The following TSHR variants were observed in gnomAD, a reference collection of about 807,000 sequenced individuals.
The protein encoded by TSHR is thyroid stimulating hormone receptor.
Under a neutral mutation model 64.1 loss-of-function variants are expected in TSHR, and 51 were observed. The ratio of observed to expected loss-of-function variants is 0.80; its 90% confidence interval spans 0.64 to 1.01. The LOEUF (loss-of-function observed/expected upper bound fraction) is 1.01. Ranked by LOEUF, TSHR falls within the 50% of genes least tolerant of loss-of-function variation. TSHR has a pLI of 0.00. For missense variants in TSHR, 877 were observed against 942.8 expected (o/e 0.93, Z 0.91); for synonymous variants, 361 against 361.9 (o/e 1.00, Z 0.03).
At chr14:81,049,385 T>C (rs1235909653) in intron 1 of TSHR, 1 of 152,196 alleles carries the variant, frequency 6.6e-6, no homozygotes, top group Non-Finnish European at 1.5e-5. Context: ...CAGAATACCA[T>C]ATCTATATGT....
At position 81,103,277 on chromosome 14, in the gene TSHR, T is replaced by G; in HGVS notation, c.615-5098T>G. 2.0e-6 allele frequency: 2 copies of G among 985,432 alleles called. No individual in the cohort carries two copies. The highest frequency in any genetic ancestry group is 2.4e-6 in the Non-Finnish European group (2 of 829,926). The allele number at this position is 985,432 out of a possible 1,614,324, so 61.0% of individuals were successfully genotyped here. ...TTTTAAACTAAGGCAAACACATCAATCTCCTGTAATTATCTTAATAGTGTT... is the reference window on the plus strand; with the variant it reads ...TTTTAAACTAAGGCAAACACATCAAGCTCCTGTAATTATCTTAATAGTGTT... On this transcript the variant is annotated intron_variant, in intron 7 of 9. Coordinates refer to ENST00000298171, the MANE Select transcript of TSHR (RefSeq NM_000369.5). This position sits in a 1 kb window ranked among gnomAD's most constrained non-coding sequence, Gnocchi z 4.1.
At chr14:81,022,828 C>CA (rs1016648451) in intron 1 of TSHR, among the ~76,000 whole-genome samples, 5 of 149,928 alleles carry the variant, frequency 3.3e-5, no homozygotes, top group Non-Finnish European at 5.9e-5. Flanking sequence ...CTCAAAAGAA[C>CA]AAAAAAAAAG....
At chr14:80,973,403 C>CAAAAAAAACA (rs1887688668) in intron 1 of TSHR, among the ~76,000 whole-genome samples, 1 of 51,470 alleles carries the variant, frequency 1.9e-5, no homozygotes, top group Non-Finnish European at 3.7e-5. Flanking sequence ...GACGCTGTCT[C>CAAAAAAAACA]AAAAAAAAAA....
chr14:81,006,381 G>A (rs142574762), intron 1 of TSHR, among the ~76,000 whole-genome samples: 30 of 152,230 alleles, frequency 2.0e-4, no homozygotes, highest in African/African-American at 7.2e-4. Context: ...CCTTCTTGCT[G>A]TGTTCTCACA....
intron 8 of TSHR, among the ~76,000 whole-genome samples, chr14:81,120,160 C>T (rs1425585175): frequency 1.3e-5 from 2 of 150,136 alleles, no homozygotes; most frequent in South Asian, 2.1e-4. Flanking sequence ...GCACATGTAC[C>T]CTAAAACTTA....
chr14:81,002,898 A>G lies in TSHR; in HGVS notation c.170+47048A>G, dbSNP rs534922737. On this transcript the variant is annotated intron_variant, in intron 1 of 9. Transcript: ENST00000298171. ...CATTGTGCAGGTTAGTTACATATGTATACATGTGCCATGCTGGTGCGCTGC... is the reference window on the plus strand; with the variant it reads ...CATTGTGCAGGTTAGTTACATATGTGTACATGTGCCATGCTGGTGCGCTGC... 2.5e-4 allele frequency among the ~76,000 whole-genome samples: 20 copies of G among 81,130 alleles called. 3 individuals carry two copies. The highest frequency in any genetic ancestry group is 6.2e-3 in the Middle Eastern group (1 of 162). 53.2% of individuals were successfully genotyped at this position (81,130 alleles called of 152,430 possible). A position where few individuals can be genotyped will look rare whatever the true frequency, so the allele number is the denominator to read the frequency against.
chr14:81,029,369 T>C (rs1209832982), intron 1 of TSHR, among the ~76,000 whole-genome samples: 1 of 152,142 alleles, frequency 6.6e-6, no homozygotes, highest in Non-Finnish European at 1.5e-5. Context: ...TCTCATATAT[T>C]TCATACCCTA....
At chr14:80,972,775 C>T (rs1027586227) in intron 1 of TSHR, among the ~76,000 whole-genome samples, 2 of 152,184 alleles carry the variant, frequency 1.3e-5, no homozygotes, top group Non-Finnish European at 2.9e-5. Flanking sequence ...CCATTCCCCA[C>T]TCCTCCCAGC....
chr14:81,077,805 T>G (rs917818371), intron 3 of TSHR, among the ~76,000 whole-genome samples: 3 of 152,304 alleles, frequency 2.0e-5, no homozygotes, highest in African/African-American at 7.2e-5. Context: ...TGTTTTTGCT[T>G]TTGTTTATTA....
intron 1 of TSHR, among the ~76,000 whole-genome samples, chr14:81,015,097 A>T (rs1890117197): frequency 6.6e-6 from 1 of 152,194 alleles, no homozygotes; most frequent in African/African-American, 2.4e-5. Flanking sequence ...ATAAACTCAA[A>T]ACCTCACTAA....
chr14:80,988,046 G>A (rs1888556080), intron 1 of TSHR, among the ~76,000 whole-genome samples: 1 of 152,078 alleles, frequency 6.6e-6, no homozygotes, highest in Admixed American at 6.5e-5. Flanking sequence ...CACCTTTTAG[G>A]TCTGAAGTAG....
chr14:81,020,843 G>A (rs944585977), intron 1 of TSHR, among the ~76,000 whole-genome samples: 6 of 152,166 alleles, frequency 3.9e-5, no homozygotes, highest in Non-Finnish European at 2.9e-5. Flanking sequence ...AGAATATCCT[G>A]AGATTGCTAC....
At chr14:81,031,113 T>A (rs1291779594) in intron 1 of TSHR, among the ~76,000 whole-genome samples, 2 of 152,162 alleles carry the variant, frequency 1.3e-5, no homozygotes, top group Non-Finnish European at 2.9e-5. Flanking sequence ...CTTGATGACC[T>A]GCATAAACCC....
chr14:80,978,955 T>C (rs5002906), intron 1 of TSHR, among the ~76,000 whole-genome samples: 50,124 of 152,178 alleles, frequency 0.33, 8,438 homozygotes, highest in South Asian at 0.39. Context: ...ATTTCAGATC[T>C]GTAAGCCAGG....
chr14:81,101,732 T>C (rs1406587455), intron 7 of TSHR, among the ~76,000 whole-genome samples: 1 of 152,004 alleles, frequency 6.6e-6, no homozygotes, highest in Non-Finnish European at 1.5e-5. Context: ...ACTGGCACCA[T>C]CTAGACACAC....
chr14:80,964,142 C>T (rs374994774), intron 1 of TSHR, among the ~76,000 whole-genome samples: 18 of 152,128 alleles, frequency 1.2e-4, no homozygotes, highest in Middle Eastern at 3.4e-3. Flanking sequence ...GGAGCGGGGG[C>T]GGATCACGAG....
chr14:81,062,106 C>T lies in TSHR; in HGVS notation c.171-42C>T, dbSNP rs529142305. On this transcript the variant is annotated intron_variant, in intron 1 of 9. Transcript: ENST00000298171. ...AATTAAGGTGAATTATTAGAAAAGC[C>T]CAATGATTAAAACTCTAATTATGTA... 18 of 1,500,772 alleles carry T rather than the reference C, an allele frequency of 1.2e-5. No individual in the cohort carries two copies. The African/African-American group carries it at 1.9e-4, about 16-fold the overall frequency. 93.0% of individuals were successfully genotyped at this position (1,500,772 alleles called of 1,614,324 possible).
intron 1 of TSHR, among the ~76,000 whole-genome samples, chr14:80,981,810 T>A (rs1277297849): frequency 6.6e-6 from 1 of 152,184 alleles, no homozygotes; most frequent in Non-Finnish European, 1.5e-5. Context: ...GCCCTCTGTA[T>A]CGTTGACAGA....
intron 8 of TSHR, among the ~76,000 whole-genome samples, chr14:81,136,267 A>G (rs1891451988): frequency 6.6e-6 from 1 of 152,238 alleles, no homozygotes; most frequent in African/African-American, 2.4e-5. Flanking sequence ...GTGGACAGGA[A>G]AGATATTTCA....
Sources: allele counts gnomAD v4.1 joint callset (sites outside exome capture counted in the v4.1 genomes callset), GRCh38; gene constraint gnomAD v4.1.1; non-coding constraint Gnocchi (gnomAD v3.1); transcripts MANE v1.5; gene names NCBI Gene and HGNC (gene_info 2026-07-23, HGNC 2026-07-21).